ME3: variants seen among roughly 807,000 people sequenced by gnomAD.
ME3 encodes the protein NADP-dependent malic enzyme, mitochondrial.
Under a neutral mutation model 68.9 loss-of-function variants are expected in ME3, and 48 were observed. That is an observed-to-expected ratio of 0.70 (90% CI 0.55 to 0.89). ME3 has a LOEUF of 0.89. ME3 is among the 40% of genes least tolerant of loss of function. ME3 has a pLI of 0.00. For missense variants in ME3, 675 were observed against 797.4 expected (o/e 0.85, Z 1.85); for synonymous variants, 320 against 318.8 (o/e 1.00, Z -0.04).
chr11:86,652,744 A>G (rs889668666), intron 2 of ME3, among the ~76,000 whole-genome samples: 2 of 152,162 alleles, frequency 1.3e-5, no homozygotes, highest in Non-Finnish European at 2.9e-5. Context: ...ACACATAACA[A>G]TATCAACCTT....
intron 2 of ME3, among the ~76,000 whole-genome samples, chr11:86,599,384 G>A (rs1470546058): frequency 6.6e-6 from 1 of 152,178 alleles, no homozygotes; most frequent in African/African-American, 2.4e-5. Context: ...AATGAAGCGA[G>A]AAGGGAAGTT....
At chr11:86,629,060 C>T (rs184985469) in intron 2 of ME3, among the ~76,000 whole-genome samples, 9 of 152,328 alleles carry the variant, frequency 5.9e-5, no homozygotes, top group South Asian at 4.1e-4. Flanking sequence ...GAGCTACATG[C>T]GTGCCCCTTG....
chr11:86,599,971 C>A (rs1020121239), intron 2 of ME3, among the ~76,000 whole-genome samples: 1 of 152,220 alleles, frequency 6.6e-6, no homozygotes, highest in Non-Finnish European at 1.5e-5. Context: ...AAAGGCACAA[C>A]TGGTACCAGC....
chr11:86,556,475 T>A (rs1280685509), intron 4 of ME3, 78 bp downstream of exon 4: 1 of 1,504,324 alleles, frequency 6.6e-7, no homozygotes, highest in African/African-American at 1.4e-5. Flanking sequence ...AGAGTCCCAA[T>A]ATGCATGAAG....
intron 2 of ME3, among the ~76,000 whole-genome samples, chr11:86,569,310 G>C (rs533413761): frequency 6.6e-6 from 1 of 152,172 alleles, no homozygotes; most frequent in Non-Finnish European, 1.5e-5. Context: ...AGCCCTGTGT[G>C]TTCTTCCCAC....
downstream of ME3, among the ~76,000 whole-genome samples, chr11:86,440,501 A>G (rs570088558): frequency 1.1e-4 from 16 of 152,184 alleles, no homozygotes; most frequent in Non-Finnish European, 1.5e-4. Flanking sequence ...AGATCTCCCT[A>G]TGGTGCTGTT....
At chr11:86,448,232 T>A (rs1334680218) in exon 11 of ME3, 1 of 1,614,136 alleles carries the variant, frequency 6.2e-7, no homozygotes, top group Non-Finnish European at 8.5e-7. Context: ...ACATCTCCTT[T>A]TCATGGTTCA....
chr11:86,538,658 T>C (rs1270144916), intron 4 of ME3, among the ~76,000 whole-genome samples: 1 of 152,180 alleles, frequency 6.6e-6, no homozygotes, highest in African/African-American at 2.4e-5. Context: ...CTCATCAGGC[T>C]CTTCCCTCCT....
chr11:86,606,040 T>C (rs2135157020), intron 2 of ME3, among the ~76,000 whole-genome samples: 1 of 152,294 alleles, frequency 6.6e-6, no homozygotes, highest in East Asian at 1.9e-4. Flanking sequence ...TAGTGAAGTA[T>C]CTGGGAGTTC....
At chr11:86,474,259 A>G (rs1950939773) in intron 7 of ME3, among the ~76,000 whole-genome samples, 1 of 152,242 alleles carries the variant, frequency 6.6e-6, no homozygotes, top group Non-Finnish European at 1.5e-5. Flanking sequence ...AGGAAGCAGT[A>G]ACTTCTAAGC....
intron 2 of ME3, among the ~76,000 whole-genome samples, chr11:86,616,095 C>T (rs1942938361): frequency 1.3e-5 from 2 of 152,098 alleles, no homozygotes; most frequent in South Asian, 4.2e-4. Flanking sequence ...ATGTTATATC[C>T]TGCTTTTCCA....
chr11:86,666,090 C>T (rs555202483), intron 2 of ME3, among the ~76,000 whole-genome samples: 81 of 152,270 alleles, frequency 5.3e-4, no homozygotes, highest in Non-Finnish European at 7.8e-4. Flanking sequence ...CTTCATTTTC[C>T]AATTTCCCTT....
intron 7 of ME3, among the ~76,000 whole-genome samples, chr11:86,476,095 G>A (rs1951070296): frequency 6.6e-6 from 1 of 152,058 alleles, no homozygotes; most frequent in South Asian, 2.1e-4. Context: ...CTTTGCATAT[G>A]TTGTGTTAAA....
At chr11:86,626,175 G>C (rs1292089808) in intron 2 of ME3, among the ~76,000 whole-genome samples, 2 of 152,096 alleles carry the variant, frequency 1.3e-5, no homozygotes, top group African/African-American at 4.8e-5. Flanking sequence ...TGCAATGTTG[G>C]GGCTGGAACC....
intron 2 of ME3, among the ~76,000 whole-genome samples, chr11:86,658,493 A>G (rs1381914505): frequency 1.3e-5 from 2 of 151,858 alleles, no homozygotes; most frequent in Non-Finnish European, 2.9e-5. Context: ...AGTAGGCATT[A>G]TATGTGATTG....
intron 4 of ME3, among the ~76,000 whole-genome samples, chr11:86,533,517 A>G (rs1274861059): frequency 3.3e-5 from 5 of 152,184 alleles, no homozygotes; most frequent in South Asian, 2.1e-4. Context: ...TCAACCATCA[A>G]AGAAAAACCC....
chr11:86,659,846 T>C (rs529304062), intron 2 of ME3, among the ~76,000 whole-genome samples: 3 of 152,314 alleles, frequency 2.0e-5, no homozygotes, highest in African/African-American at 7.2e-5. Context: ...GAGACATAGA[T>C]GATAGCTGAA....
At chr11:86,632,986 C>T (rs765220789) in intron 2 of ME3, among the ~76,000 whole-genome samples, 2 of 152,216 alleles carry the variant, frequency 1.3e-5, no homozygotes, top group South Asian at 4.1e-4. Context: ...TCCGCCTGAG[C>T]ACTGCACGGC....
At chr11:86,512,434 C>G (rs1288711877) in intron 4 of ME3, among the ~76,000 whole-genome samples, 1 of 152,186 alleles carries the variant, frequency 6.6e-6, no homozygotes, top group Non-Finnish European at 1.5e-5. Flanking sequence ...TTATTATTCA[C>G]CACTATATCC....
Sources: gnomAD v4.1 joint callset for allele counts (sites outside exome capture counted in the v4.1 genomes callset) on GRCh38, gnomAD v4.1.1 for gene constraint, MANE v1.5 for transcripts, NCBI Gene and HGNC (gene_info 2026-07-23, HGNC 2026-07-21) for gene names.